LUZP2: variants seen among roughly 807,000 people sequenced by gnomAD.
The protein encoded by LUZP2 is leucine zipper protein 2.
Under a neutral mutation model 51.6 loss-of-function variants are expected in LUZP2, and 52 were observed. The ratio of observed to expected loss-of-function variants is 1.01; its 90% confidence interval spans 0.81 to 1.27. LUZP2 has a LOEUF of 1.27. Among genes scored for constraint, LUZP2 ranks in the 50% most tolerant of loss-of-function variants. The probability of loss-of-function intolerance (pLI) is 0.00; values close to 1 mark genes in which losing one functional copy is unlikely to be tolerated. For missense variants in LUZP2, 436 were observed against 395.4 expected (o/e 1.10, Z -0.87); for synonymous variants, 154 against 137.3 (o/e 1.12, Z -0.85).
chr11:24,908,307 A>G (rs1021037225), intron 6 of LUZP2, among the ~76,000 whole-genome samples: 5 of 152,214 alleles, frequency 3.3e-5, no homozygotes, highest in African/African-American at 1.2e-4. Context: ...TATTTTATCA[A>G]AGAAATGCTG....
At chr11:24,777,120 G>C (rs1457639497) in intron 5 of LUZP2, among the ~76,000 whole-genome samples, 1 of 151,260 alleles carries the variant, frequency 6.6e-6, no homozygotes, top group Non-Finnish European at 1.5e-5. Context: ...TCAGCCTCCT[G>C]AGTAGCTGGG....
At chr11:24,907,455 C>G (rs1308631253) in intron 6 of LUZP2, among the ~76,000 whole-genome samples, 1 of 151,836 alleles carries the variant, frequency 6.6e-6, no homozygotes, top group East Asian at 1.9e-4. Context: ...AAAAATTAGC[C>G]TAAATGGTTT....
chr11:24,689,789 GTTCT>G (rs1447055983), intron 1 of LUZP2, among the ~76,000 whole-genome samples: 1 of 152,056 alleles, frequency 6.6e-6, no homozygotes, highest in Admixed American at 6.6e-5. Context: ...ACCCAAAACT[GTTCT>G]TTCTTAAGCA....
chr11:24,590,898 TATTAAACGTAAC>T (rs1346461040), intron 1 of LUZP2, among the ~76,000 whole-genome samples: 1 of 152,138 alleles, frequency 6.6e-6, no homozygotes, highest in Admixed American at 6.5e-5. Context: ...ATGTAAGAAA[TATTAAACGTAAC>T]TATTTTCTGA....
chr11:24,874,136 A>G lies in LUZP2; in HGVS notation c.397-31855A>G, dbSNP rs77084570. Among the ~76,000 whole-genome samples the G allele has an allele frequency of 6.8e-3, 1,038 of 152,280 alleles. 15 individuals are homozygous for G. The highest frequency in any genetic ancestry group is 0.057 in the East Asian group (294 of 5,168). On this transcript the variant is annotated intron_variant, in intron 5 of 11. Coordinates refer to ENST00000336930, the MANE Select transcript of LUZP2 (RefSeq NM_001009909.4). ...GTGTGTGCGTAAGACTCACCTGGGA[A>G]CAATGCTAAAATGAAGGTTTTTGGG... is the stretch of plus-strand genomic sequence containing the variant.
chr11:24,876,677 A>G (rs941120002), intron 5 of LUZP2, among the ~76,000 whole-genome samples: 1 of 152,016 alleles, frequency 6.6e-6, no homozygotes. Flanking sequence ...GAGTCTATAA[A>G]TTACCTTGGG....
At chr11:24,692,941 C>T (rs935774119) in intron 1 of LUZP2, among the ~76,000 whole-genome samples, 3 of 151,766 alleles carry the variant, frequency 2.0e-5, no homozygotes, top group Admixed American at 6.6e-5. Flanking sequence ...TTTTCTTTGA[C>T]ATTACCTCAT....
intron 7 of LUZP2, among the ~76,000 whole-genome samples, chr11:24,925,514 A>G (rs1297186026): frequency 3.9e-5 from 6 of 152,258 alleles, no homozygotes; most frequent in Non-Finnish European, 7.4e-5. Context: ...TATTCCTTGC[A>G]TGCTTAAAGC....
At chr11:24,626,681 T>C (rs1034230118) in intron 1 of LUZP2, among the ~76,000 whole-genome samples, 1 of 152,176 alleles carries the variant, frequency 6.6e-6, no homozygotes, top group Non-Finnish European at 1.5e-5. Context: ...GAAAATACTA[T>C]TGTGAATCAA....
At chr11:24,580,684 T>C (rs1049527198) in intron 1 of LUZP2, among the ~76,000 whole-genome samples, 4 of 152,162 alleles carry the variant, frequency 2.6e-5, no homozygotes, top group African/African-American at 9.7e-5. Context: ...ATTCAATACT[T>C]AATGTTCATT....
intron 5 of LUZP2, among the ~76,000 whole-genome samples, chr11:24,816,791 A>G (rs998819305): frequency 6.6e-5 from 10 of 152,104 alleles, no homozygotes; most frequent in Admixed American, 5.2e-4. Context: ...CACTTTGCTG[A>G]TGACAAGTGA....
chr11:24,691,600 G>A (rs1317359055), intron 1 of LUZP2, among the ~76,000 whole-genome samples: 1 of 151,168 alleles, frequency 6.6e-6, no homozygotes, highest in Admixed American at 6.6e-5. Flanking sequence ...CTAGAATTTG[G>A]AATATTTCAG....
At chr11:25,030,761 T>G (rs923646039) in intron 9 of LUZP2, among the ~76,000 whole-genome samples, 1 of 149,284 alleles carries the variant, frequency 6.7e-6, no homozygotes, top group African/African-American at 2.4e-5. Context: ...CTTATTTAAA[T>G]TTTTTCATTT....
chr11:24,574,270 T>C (rs2133807672), intron 1 of LUZP2, among the ~76,000 whole-genome samples: 1 of 71,740 alleles, frequency 1.4e-5, no homozygotes, highest in African/African-American at 5.2e-5. Flanking sequence ...CTTGCTTTCT[T>C]TCTTTCTTTC....
intron 5 of LUZP2, among the ~76,000 whole-genome samples, chr11:24,869,310 T>A (rs1004171418): frequency 2.0e-5 from 3 of 152,118 alleles, no homozygotes; most frequent in African/African-American, 7.2e-5. Flanking sequence ...GCTTCACAGA[T>A]ACTGCATTTT....
intron 3 of LUZP2, among the ~76,000 whole-genome samples, chr11:24,737,501 T>TAAAAA (rs74313884): frequency 2.7e-5 from 4 of 150,344 alleles, no homozygotes; most frequent in Non-Finnish European, 3.0e-5. Flanking sequence ...ATAGCTCGAG[T>TAAAAA]AAAAAAAAAT....
intron 1 of LUZP2, among the ~76,000 whole-genome samples, chr11:24,706,353 C>G (rs1215859249): frequency 1.3e-5 from 2 of 152,230 alleles, no homozygotes; most frequent in South Asian, 2.1e-4. Flanking sequence ...AACCTCTCAT[C>G]TTGTCTTTCA....
intron 5 of LUZP2, among the ~76,000 whole-genome samples, chr11:24,835,651 A>G (rs1053708045): frequency 6.6e-6 from 1 of 152,088 alleles, no homozygotes; most frequent in Admixed American, 6.6e-5. Flanking sequence ...AGAGACAAAA[A>G]CAGACAGAGC....
At chr11:24,645,176 A>C (rs1031250333) in intron 1 of LUZP2, among the ~76,000 whole-genome samples, 1 of 152,142 alleles carries the variant, frequency 6.6e-6, no homozygotes, top group Non-Finnish European at 1.5e-5. Context: ...TGCAAATTTG[A>C]GAAAGAAAGG....
Sources: gnomAD v4.1 joint callset for allele counts (sites outside exome capture counted in the v4.1 genomes callset) on GRCh38, gnomAD v4.1.1 for gene constraint, MANE v1.5 for transcripts, NCBI Gene and HGNC (gene_info 2026-07-23, HGNC 2026-07-21) for gene names.